The following CHD5 variants were observed in gnomAD, a reference collection of about 807,000 sequenced individuals.
CHD5 encodes ATP-dependent chromatin remodeler CHD5.
Under a neutral mutation model 230.3 loss-of-function variants are expected in CHD5, and 69 were observed. The observed-to-expected ratio is 0.30, with a 90% CI of 0.25 to 0.37. CHD5 has a LOEUF of 0.37. CHD5 is among the 10% of genes least tolerant of loss of function. The probability of loss-of-function intolerance (pLI) is 1.00; values close to 1 mark genes in which losing one functional copy is unlikely to be tolerated. For synonymous variants in CHD5, 1,064 were observed against 1,065.9 expected (o/e 1.00, Z 0.03); for missense variants, 1,827 against 2,622.8 (o/e 0.70, Z 6.63).
rs368909187 is a variant in CHD5, at chr1:6,128,872, G to A, written c.3585C>T (p.Phe1195=). 2.7e-5 allele frequency: 43 copies of A among 1,612,828 alleles called. No individual in the cohort carries two copies. The highest frequency in any genetic ancestry group is 1.6e-4 in the Middle Eastern group (1 of 6,084). The change falls in exon 23 of 42, where the codon TTC becomes TTT. Residue 1195 remains phenylalanine, a synonymous_variant. Transcript: ENST00000262450. The surrounding 1 kb of genome is among the most constrained non-coding windows in gnomAD (Gnocchi z 7.8). ...TKQELDDILK[F]GTEELFKDDV... ...CGTCCTTGAAGAGTTCCTCCGTGCC[G>A]AACTTGAGGATGTCGTCCAGCTCCT... is the stretch of plus-strand genomic sequence containing the variant.
At chr1:6,174,370 G>A (rs1411017223) in intron 1 of CHD5, among the ~76,000 whole-genome samples, 1 of 152,250 alleles carries the variant, frequency 6.6e-6, no homozygotes, top group Admixed American at 6.5e-5. Context: ...TCTGATGGGT[G>A]GACGGATAAT....
chr1:6,144,305 T>A lies in CHD5; in HGVS notation c.1803-150A>T, dbSNP rs912151667. 4 of 1,070,880 alleles carry A rather than the reference T, an allele frequency of 3.7e-6. No homozygotes were observed. The Admixed American group carries it at 6.6e-5, about 18-fold the overall frequency. 66.3% of individuals were successfully genotyped at this position (1,070,880 alleles called of 1,614,324 possible). A position where few individuals can be genotyped will look rare whatever the true frequency, so the allele number is the denominator to read the frequency against. ...AGGAGGAGGAGACGAGGGCAGAAGC[T>A]CCAGGGAGGTGCAGCGGCTTGCCTG... On this transcript the variant is annotated intron_variant, in intron 11 of 41. Coordinates refer to ENST00000262450, the MANE Select transcript of CHD5 (RefSeq NM_015557.3).
chr1:6,136,957 A>G lies in CHD5; in HGVS notation c.2437-92T>C. 2.9e-6 allele frequency: 4 copies of G among 1,384,004 alleles called. No homozygotes were observed. In the South Asian group the frequency reaches 5.7e-5, roughly 20 times the overall value. The allele number at this position is 1,384,004 out of a possible 1,614,324, so 85.7% of individuals were successfully genotyped here. On this transcript the variant is annotated intron_variant, in intron 15 of 41. Coordinates refer to ENST00000262450, the MANE Select transcript of CHD5 (RefSeq NM_015557.3). ...AAAGAGCCAAGAAGGAGGTGTGCAC[A>G]GGAACCCACAAAGGCTCCACGGAGC...
intron 33 of CHD5, among the ~76,000 whole-genome samples, chr1:6,118,728 G>C (rs541157045): frequency 6.6e-6 from 1 of 151,304 alleles, no homozygotes; most frequent in Non-Finnish European, 1.5e-5. Context: ...ACAGAATTTC[G>C]ATCTTGTTGC....
rs373095572 is a variant in CHD5 at position 6,111,010 on chromosome 1, ACTT to A, written c.5250-487_5250-485del. ...TTTGGGAGGCCAAGGTGGGCAGATC[ACTT>A]GAGGCCAGGAGCTCGAGACCAGCCT... On this transcript the variant is annotated intron_variant, in intron 36 of 41. Transcript: ENST00000262450. Among the ~76,000 whole-genome samples the A allele has an allele frequency of 3.9e-3, 586 of 152,186 alleles. 2 individuals are homozygous for A. The highest frequency in any genetic ancestry group is 0.013 in the African/African-American group (542 of 41,530).
At chr1:6,116,119 T>C (rs1305146104) in intron 33 of CHD5, among the ~76,000 whole-genome samples, 3 of 152,252 alleles carry the variant, frequency 2.0e-5, no homozygotes, top group Non-Finnish European at 4.4e-5. Flanking sequence ...TTTCTGTTTA[T>C]TGTGGATTGC....
rs902713941 is a variant in CHD5 at position 6,103,175 on chromosome 1, C to T, written c.*2299G>A. 3.3e-5 allele frequency: 5 copies of T among 152,574 alleles called. No individual in the cohort carries two copies. The highest frequency in any genetic ancestry group is 1.2e-4 in the African/African-American group (5 of 41,480). The allele number at this position is 152,574 out of a possible 1,614,324, so 9.5% of individuals were successfully genotyped here. A position where few individuals can be genotyped will look rare whatever the true frequency, so the allele number is the denominator to read the frequency against. On this transcript the variant is annotated 3_prime_UTR_variant, in exon 42 of 42. Transcript: ENST00000262450. The stretch of plus-strand genomic sequence containing the variant: ...CCCAAACTGGTCAGCCCCAAACCCG[C>T]TCTGACTCTAGTAGCCCACCCCTCC...
chr1:6,113,890 G>A (rs1666334279), intron 33 of CHD5, among the ~76,000 whole-genome samples: 1 of 152,180 alleles, frequency 6.6e-6, no homozygotes, highest in African/African-American at 2.4e-5. Context: ...CCCGGCCTGA[G>A]CCTCCAGAAA....
chr1:6,129,713 G>A lies in CHD5; in HGVS notation c.3387+491C>T, dbSNP rs1175521574. ...GAGGGGTGGCCAGGTACACTAGGGT[G>A]GCTCTATTCCCATACCCCTCCCCCC... On this transcript the variant is annotated intron_variant, in intron 22 of 41. Transcript: ENST00000262450. This position sits in a 1 kb window ranked among gnomAD's most constrained non-coding sequence, Gnocchi z 6.8. 2.0e-5 allele frequency among the ~76,000 whole-genome samples: 3 copies of A among 152,050 alleles called. No homozygotes were observed. The highest frequency in any genetic ancestry group is 2.4e-5 in the African/African-American group (1 of 41,378).
chr1:6,156,939 G>A (rs544983895), intron 3 of CHD5, among the ~76,000 whole-genome samples: 8 of 152,348 alleles, frequency 5.3e-5, no homozygotes, highest in Admixed American at 1.3e-4. Flanking sequence ...GCCACATACC[G>A]GTGGTAAGAA....
At position 6,121,222 on chromosome 1, in the gene CHD5, A is replaced by C. The variant is rs1666465041; in HGVS notation, c.4795T>G (p.Leu1599Val). ...TTGTCCTCACTCTCCACTCTATCCA[A>C]GGCGGCTGGAAGGGCCTGCAGAGGA... ...PLEVQALPAA[L>V]DRVESEDKHE... Residue 1599 changes from leucine to valine, a missense_variant, in exon 33 of 42, where the codon TTG becomes GTG. Leu to Val is a conservative substitution (Grantham distance 32). Coordinates refer to ENST00000262450, the MANE Select transcript of CHD5 (RefSeq NM_015557.3). This position sits in a 1 kb window ranked among gnomAD's most constrained non-coding sequence, Gnocchi z 4.5. 6.2e-7 allele frequency: 1 copy of C among 1,612,062 alleles called. No homozygotes were observed. The highest frequency in any genetic ancestry group is 8.5e-7 in the Non-Finnish European group (1 of 1,179,420).
chr1:6,149,400 T>C lies in CHD5; in HGVS notation c.1007A>G (p.Asp336Gly). The C allele has an allele frequency of 6.2e-7, 1 of 1,608,530 alleles. No individual in the cohort carries two copies. Among genetic ancestry groups the C allele is most frequent in the Non-Finnish European group, 8.5e-7 (1 of 1,176,480 alleles). The change falls in exon 8 of 42, where the codon GAC becomes GGC. Residue 336 changes from aspartate to glycine, a missense_variant. Around this residue, in one of 14 missense-constraint regions of CHD5, gnomAD observed 657 missense variants for 816.4 expected, o/e 0.80. Transcript: ENST00000262450. The stretch of plus-strand genomic sequence containing the variant: ...ATCCTGGTGGTCTGTCTCATAGCCG[T>C]CACCATCATCAACTAGGGTAGGGGA... ...RRKKKRIDDG[D>G]GYETDHQDYC...
chr1:6,135,193 C>A, intron 18 of CHD5, 37 bp downstream of exon 18: 5 of 1,612,214 alleles, frequency 3.1e-6, no homozygotes, highest in Non-Finnish European at 4.2e-6. Context: ...GGGGAAAGGG[C>A]GAGCACAGGC....
chr1:6,134,962 TA>T lies in CHD5; in HGVS notation c.2871-104del. 3 of 1,478,674 alleles carry T rather than the reference TA, an allele frequency of 2.0e-6. No homozygotes were observed. Among genetic ancestry groups the T allele is most frequent in the Non-Finnish European group, 2.8e-6 (3 of 1,075,228 alleles). The allele number at this position is 1,478,674 out of a possible 1,614,324, so 91.6% of individuals were successfully genotyped here. ...GGAAGCTGGTGGCCAAGCACCCATT[TA>T]CAGAGAGACCCAAGGGACCCCCAAG... On this transcript the variant is annotated intron_variant, in intron 18 of 41. Coordinates refer to ENST00000262450, the MANE Select transcript of CHD5 (RefSeq NM_015557.3). The surrounding 1 kb of genome is among the most constrained non-coding windows in gnomAD (Gnocchi z 6.3).
chr1:6,127,666 G>A (rs926694383), intron 25 of CHD5, among the ~76,000 whole-genome samples: 1 of 152,168 alleles, frequency 6.6e-6, no homozygotes, highest in Admixed American at 6.5e-5. Context: ...TCAGAGAGTG[G>A]GGAAGCTGGA....
Position 6,143,813 on chromosome 1 carries a change from C to T in CHD5, c.2043+10G>A. The T allele has an allele frequency of 1.3e-6, 2 of 1,548,296 alleles. No individual in the cohort carries two copies. The highest frequency in any genetic ancestry group is 1.8e-6 in the Non-Finnish European group (2 of 1,129,398). ...ACCCCACCCACTGCTGCCCCACCCT[C>T]CCCACTCACGTCCACAATGGGCGTG... On this transcript the variant is annotated intron_variant, in intron 13 of 41. Transcript: ENST00000262450.
chr1:6,142,185 G>A lies in CHD5; in HGVS notation c.2379C>T (p.Asn793=), dbSNP rs2273032. 189,682 of 1,613,830 alleles carry A rather than the reference G, an allele frequency of 0.12. 13,082 individuals carry two copies. The highest frequency in any genetic ancestry group is 0.36 in the East Asian group (16,353 of 44,854). The stretch of plus-strand genomic sequence containing the variant: ...TGGCGTTGTCCTCAAAGGAAAACTC[G>A]TTCTCCCGAATCACCGAGCGGCTCT... ...DKESRSVIRE[N]EFSFEDNAIR... is the part of the protein sequence containing the mutation. The change falls in exon 15 of 42, where the codon AAC becomes AAT. Residue 793 remains asparagine, a synonymous_variant. Transcript: ENST00000262450. The surrounding 1 kb of genome is among the most constrained non-coding windows in gnomAD (Gnocchi z 5.2).
chr1:6,123,378 G>A (rs1666501181), intron 31 of CHD5, among the ~76,000 whole-genome samples: 1 of 152,120 alleles, frequency 6.6e-6, no homozygotes, highest in African/African-American at 2.4e-5. Context: ...CCGGCCTTAG[G>A]CAGTGGCGAT....
At chr1:6,168,917 G>A (rs931318590) in intron 1 of CHD5, among the ~76,000 whole-genome samples, 2 of 152,012 alleles carry the variant, frequency 1.3e-5, no homozygotes, top group Non-Finnish European at 1.5e-5. Flanking sequence ...TATTCGGGAG[G>A]CTGAGGCTGG....
Sources: gnomAD v4.1 joint callset for allele counts (sites outside exome capture counted in the v4.1 genomes callset) on GRCh38, gnomAD v4.1.1 for gene constraint, gnomAD v4.1.1 regional missense constraint, Gnocchi (gnomAD v3.1) non-coding constraint, MANE v1.5 for transcripts, NCBI Gene and HGNC (gene_info 2026-07-23, HGNC 2026-07-21) for gene names.